Variants in SIRT4 observed in about 807,000 individuals in gnomAD.
SIRT4 encodes sirtuin 4.
SIRT4 carries 23 observed loss-of-function variants against 26.1 expected under a neutral mutation model. The ratio of observed to expected loss-of-function variants is 0.88; its 90% confidence interval spans 0.63 to 1.25. SIRT4 has a LOEUF of 1.25. Among genes scored for constraint, SIRT4 ranks in the 50% most tolerant of loss-of-function variants. The probability of loss-of-function intolerance (pLI) is 0.00; values close to 1 mark genes in which losing one functional copy is unlikely to be tolerated. For synonymous variants in SIRT4, 155 were observed against 158.4 expected, an observed-to-expected ratio of 0.98 and a Z score of 0.16; for missense variants, 361 against 405.4, an observed-to-expected ratio of 0.89 and a Z score of 0.94.
chr12:120,312,425 A>G, intron 2 of SIRT4, 31 bp from the exon 3 acceptor site: 1 of 1,575,930 alleles, frequency 6.3e-7, no homozygotes. Flanking sequence ...CCAAGGGCAT[A>G]CTGTTCAGTC....
chr12:120,301,768 A>C (rs1872558366), upstream of SIRT4, among the ~76,000 whole-genome samples: 1 of 152,008 alleles, frequency 6.6e-6, no homozygotes, highest in African/African-American at 2.4e-5. Flanking sequence ...AAAAGAAAAA[A>C]AGACAAAAAA....
intron 2 of SIRT4, among the ~76,000 whole-genome samples, chr12:120,309,233 G>A (rs1872861686): frequency 6.6e-6 from 1 of 151,846 alleles, no homozygotes; most frequent in Admixed American, 6.6e-5. Context: ...TTTTAATAAT[G>A]AAAATTTCAA....
intron 2 of SIRT4, among the ~76,000 whole-genome samples, chr12:120,307,598 G>A (rs1205011457): frequency 5.9e-5 from 9 of 152,168 alleles, no homozygotes; most frequent in East Asian, 3.8e-4. Flanking sequence ...GGTGGCTCAC[G>A]CCTGTAATCC....
chr12:120,293,017 A>G, the SIRT4 span: 5 of 150,688 alleles, frequency 3.3e-5, no homozygotes, highest in African/African-American at 1.3e-4. Flanking sequence ...TTTGCGAACA[A>G]GTACTCTTCA....
intron 1 of SIRT4, 131 bp from the exon 2 acceptor site, chr12:120,303,430 A>T: frequency 9.6e-7 from 1 of 1,036,876 alleles, no homozygotes; most frequent in Non-Finnish European, 1.4e-6. Context: ...AGCCAAGATC[A>T]TGCCACTGTA....
At chr12:120,303,050 C>G (rs1037087238) in intron 1 of SIRT4, among the ~76,000 whole-genome samples, 1 of 151,814 alleles carries the variant, frequency 6.6e-6, no homozygotes, top group Non-Finnish European at 1.5e-5. Context: ...GAAAAGCTGA[C>G]GGGCAGGGGT....
the SIRT4 span, among the ~76,000 whole-genome samples, chr12:120,296,593 A>C: frequency 2.7e-5 from 4 of 147,522 alleles, no homozygotes; most frequent in Non-Finnish European, 6.0e-5. Context: ...GTGCAGCCTA[A>C]ATCTCCTGGG....
the SIRT4 span, among the ~76,000 whole-genome samples, chr12:120,292,691 C>CA: frequency 6.6e-6 from 1 of 150,396 alleles, no homozygotes; most frequent in African/African-American, 2.5e-5. Flanking sequence ...GTAGAGATCA[C>CA]AAAATCAGCA....
intron 2 of SIRT4, among the ~76,000 whole-genome samples, chr12:120,311,115 T>C (rs1872951327): frequency 6.7e-6 from 1 of 148,808 alleles, no homozygotes; most frequent in Non-Finnish European, 1.5e-5. Flanking sequence ...TCCCAGCATT[T>C]TGGGAGGCCA....
In SIRT4 at chr12:120,303,923, C is replaced by T; in HGVS notation, c.362C>T (p.Pro121Leu). 1 of 1,614,212 alleles carries T rather than the reference C, an allele frequency of 6.2e-7. No individual in the cohort carries two copies. Among genetic ancestry groups the T allele is most frequent in the Non-Finnish European group, 8.5e-7 (1 of 1,180,048 alleles). Residue 121 changes from proline to leucine, a missense_variant, in exon 2 of 4, where the codon CCT (proline) becomes CTT (leucine). Pro to Leu is a moderately conservative substitution (Grantham distance 98, BLOSUM62 -3). Transcript: ENST00000202967. ...VGWPQFSSHQ[P>L]NPAHWALSTW... is the part of the protein sequence containing the mutation. Reference sequence around the variant, plus strand: ...TGGCCTCAATTCTCCTCCCACCAGCCTAACCCTGCACACTGGGCTTTGAGC... The same window carrying T: ...TGGCCTCAATTCTCCTCCCACCAGCTTAACCCTGCACACTGGGCTTTGAGC...
In SIRT4 at chr12:120,303,640, G is replaced by A; in HGVS notation, c.79G>A (p.Ala27Thr). Residue 27 changes from alanine (A) to threonine (T), a missense_variant, in exon 2 of 4, where the codon GCC becomes ACC. Physicochemically the swap from Ala to Thr is moderately conservative, Grantham distance 58. Transcript: ENST00000202967. ...IANPSQPCSK[A>T]SIGLFVPASP... is the part of the protein sequence containing the mutation. ...AAACCCCAGCCAGCCGTGCTCGAAA[G>A]CCTCCATTGGGTTATTTGTGCCAGC... The A allele has an allele frequency of 6.2e-7, 1 of 1,614,064 alleles. No homozygotes were observed. Among genetic ancestry groups the A allele is most frequent in the Non-Finnish European group, 8.5e-7 (1 of 1,180,012 alleles).
At chr12:120,293,394 A>G in the SIRT4 span, among the ~76,000 whole-genome samples, 5 of 152,314 alleles carry the variant, frequency 3.3e-5, no homozygotes, top group South Asian at 6.2e-4. Context: ...GTTTCTGCAT[A>G]TCGTTGCTGA....
Position 120,303,993 on chromosome 12 carries a change from T to C in SIRT4, c.432T>C (p.Asn144=). 3 of 1,614,044 alleles carry C rather than the reference T, an allele frequency of 1.9e-6. No individual in the cohort carries two copies. The highest frequency in any genetic ancestry group is 2.5e-6 in the Non-Finnish European group (3 of 1,180,018). The change falls in exon 2 of 4, where the codon AAT becomes AAC. Residue 144 remains asparagine (N), a synonymous_variant. Transcript: ENST00000202967. ...LGKLYWLVTQ[N]VDALHTKAGS... is the part of the protein sequence containing the mutation. Reference sequence around the variant, plus strand: ...AGCTGTACTGGTTGGTGACCCAAAATGTGGATGCTTTGCACACCAAGGCGG... The same window carrying C: ...AGCTGTACTGGTTGGTGACCCAAAACGTGGATGCTTTGCACACCAAGGCGG...
At chr12:120,301,065 G>A (rs927377273), upstream of SIRT4, among the ~76,000 whole-genome samples, 3 of 152,190 alleles carry the variant, frequency 2.0e-5, no homozygotes, top group Non-Finnish European at 4.4e-5. Flanking sequence ...CATCACTTTT[G>A]GCTGGGCACA....
chr12:120,293,005 A>T, the SIRT4 span: 53 of 152,252 alleles, frequency 3.5e-4, no homozygotes, highest in African/African-American at 1.2e-3. Context: ...TCATTTAGAG[A>T]GTTTGCGAAC....
the SIRT4 span, chr12:120,293,205 T>G: frequency 6.6e-6 from 1 of 152,194 alleles, no homozygotes; most frequent in Non-Finnish European, 1.5e-5. Context: ...CGGATAGACC[T>G]CATTGGCTAC....
the SIRT4 span, chr12:120,293,002 G>A: frequency 1.4e-4 from 22 of 152,182 alleles, no homozygotes; most frequent in South Asian, 6.2e-4. Context: ...CTCTCATTTA[G>A]AGAGTTTGCG....
chr12:120,300,071 G>C (rs1872488776), upstream of SIRT4, among the ~76,000 whole-genome samples: 1 of 152,056 alleles, frequency 6.6e-6, no homozygotes, highest in Non-Finnish European at 1.5e-5. Flanking sequence ...CTTTCCTTGA[G>C]TTCAGGAGTT....
upstream of SIRT4, among the ~76,000 whole-genome samples, chr12:120,302,132 G>A (rs1395993496): frequency 2.0e-5 from 3 of 150,968 alleles, no homozygotes; most frequent in East Asian, 5.8e-4. Flanking sequence ...AGTGCCCACA[G>A]AAATTGAAAA....
Sources: gnomAD v4.1 joint callset for allele counts (sites outside exome capture counted in the v4.1 genomes callset) on GRCh38, gnomAD v4.1.1 for gene constraint, MANE v1.5 for transcripts, NCBI Gene and HGNC (gene_info 2026-07-23, HGNC 2026-07-21) for gene names.